The following HNRNPD variants were observed in gnomAD, a reference collection of about 807,000 sequenced individuals.
HNRNPD encodes the protein heterogeneous nuclear ribonucleoprotein D, also known as heterogeneous nuclear ribonucleoprotein D0.
A neutral mutation model predicts 47.9 loss-of-function variants in HNRNPD; 3 were observed. The ratio of observed to expected loss-of-function variants is 0.06; its 90% CI spans 0.03 to 0.16. The LOEUF (loss-of-function observed/expected upper bound fraction) is 0.16, where lower values mean the gene tolerates loss of function less well. Ranked by LOEUF, HNRNPD falls within the 10% of genes least tolerant of loss-of-function variation. The pLI, the probability that HNRNPD is intolerant of heterozygous loss-of-function variation, is 1.00. For missense variants in HNRNPD, 287 were observed against 454.2 expected, an observed-to-expected ratio of 0.63 and a Z score of 3.35; for synonymous variants, 171 against 165.1, an observed-to-expected ratio of 1.04 and a Z score of -0.28.
In HNRNPD at chr4:82,373,640, T is replaced by C. The variant is rs769991211; in HGVS notation, c.39A>G (p.Ala13=). 47 of 1,525,318 alleles carry C rather than the reference T, an allele frequency of 3.1e-5. No homozygotes were observed. Among genetic ancestry groups the C allele is most frequent in the Admixed American group, 7.9e-5 (4 of 50,352 alleles). 94.5% of individuals were successfully genotyped at this position (1,525,318 alleles called of 1,614,324 possible). A position where few individuals can be genotyped will look rare whatever the true frequency, so the allele number is the denominator to read the frequency against. The part of the protein sequence containing the change: ...EEQFGGDGAA[A]AATAAVGGSA... ...AGCCGCCTACCGCCGCCGTTGCCGC[T>C]GCCGCCGCCCCGTCCCCGCCGAACT... Residue 13 remains alanine, a synonymous_variant, in exon 1 of 9, where the codon GCA becomes GCG. Coordinates refer to ENST00000313899, the MANE Select transcript of HNRNPD (RefSeq NM_031370.3).
chr4:82,364,614 C>T (rs1242337973), intron 2 of HNRNPD, among the ~76,000 whole-genome samples: 1 of 152,116 alleles, frequency 6.6e-6, no homozygotes, highest in Admixed American at 6.5e-5. Flanking sequence ...ATTTTCAATG[C>T]TGCCAACTTG....
chr4:82,358,961 G>A, intron 3 of HNRNPD, 141 bp from the exon 4 acceptor site: 1 of 656,966 alleles, frequency 1.5e-6, no homozygotes, highest in South Asian at 2.1e-5. Flanking sequence ...TCAAGTCATG[G>A]TGGTGATGTA....
At chr4:82,371,456 C>CCAAT in intron 2 of HNRNPD, 72 bp downstream of exon 2, 1 of 1,218,118 alleles carries the variant, frequency 8.2e-7, no homozygotes, top group Non-Finnish European at 1.2e-6. Flanking sequence ...GGGCAACTAA[C>CCAAT]CAATACACAG....
At chr4:82,366,030 A>G (rs1190383724) in intron 2 of HNRNPD, among the ~76,000 whole-genome samples, 2 of 152,140 alleles carry the variant, frequency 1.3e-5, no homozygotes, top group African/African-American at 4.8e-5. Context: ...ATCATTAAAG[A>G]ATAGGTATTC....
At chr4:82,361,158 T>C (rs1431649122) in intron 2 of HNRNPD, among the ~76,000 whole-genome samples, 2 of 152,098 alleles carry the variant, frequency 1.3e-5, no homozygotes, top group African/African-American at 2.4e-5. Flanking sequence ...TGGAAGAAAT[T>C]TGAGTTATTT....
chr4:82,361,764 A>C (rs186538569), intron 2 of HNRNPD, among the ~76,000 whole-genome samples: 3 of 152,306 alleles, frequency 2.0e-5, no homozygotes, highest in East Asian at 1.9e-4. Context: ...TTCAGACAAG[A>C]AGCAGATTTT....
chr4:82,373,590 A>G lies in HNRNPD; in HGVS notation c.89T>C (p.Met30Thr). 6.5e-7 allele frequency: 1 copy of G among 1,531,866 alleles called. No individual in the cohort carries two copies. The highest frequency in any genetic ancestry group is 8.7e-7 in the Non-Finnish European group (1 of 1,142,942). The allele number at this position is 1,531,866 out of a possible 1,614,324, so 94.9% of individuals were successfully genotyped here. A position where few individuals can be genotyped will look rare whatever the true frequency, so the allele number is the denominator to read the frequency against. Residue 30 changes from methionine to threonine, a missense_variant, in exon 1 of 9, where the codon ATG becomes ACG. By Grantham distance (81) the Met-to-Thr change is moderately conservative. Around this residue, in one of 5 missense-constraint regions of HNRNPD, gnomAD observed 161 missense variants for 137.1 expected, o/e 1.17. Coordinates refer to ENST00000313899, the MANE Select transcript of HNRNPD (RefSeq NM_031370.3). ...CGCTGCCCCCTGTGTCGCCGCCACCATGGCTCCCTCCTGCTCGCCCGCCGA... is the reference window on the plus strand; with the variant it reads ...CGCTGCCCCCTGTGTCGCCGCCACCGTGGCTCCCTCCTGCTCGCCCGCCGA... ...GGSAGEQEGA[M>T]VAATQGAAAA...
rs768789141 is a variant in HNRNPD, at chr4:82,373,439, TACTC to T, written c.233+3_233+6del. On this transcript the variant is annotated splice_donor_5th_base_variant and intron_variant, in intron 1 of 8. Transcript: ENST00000313899. ...GGCCTGACTATCCTGGGATGCCCCT[TACTC>T]ACCCTTCATCCTCCTCGTTCTTACT... is the stretch of plus-strand genomic sequence containing the variant. 23 of 1,573,482 alleles carry T rather than the reference TACTC, an allele frequency of 1.5e-5. No individual in the cohort carries two copies. Among genetic ancestry groups the T allele is most frequent in the Admixed American group, 5.5e-5 (3 of 54,662 alleles).
chr4:82,356,942 G>A (rs1269606185), intron 5 of HNRNPD, 47 bp from the exon 6 acceptor site: 1 of 1,501,446 alleles, frequency 6.7e-7, no homozygotes, highest in South Asian at 1.1e-5. Context: ...GAAAATAAAA[G>A]TTGCTAAATA....
rs1209501160 is a variant in HNRNPD, at chr4:82,373,541, C to T, written c.138G>A (p.Gly46=). ...CTCCAGACGCGGTTCCGCCCCCGGT[C>T]CCGGCTCCGCTTCCCGCCGCCGCCG... The part of the protein sequence containing the change: ...GAAAAAGSGA[G]TGGGTASGGT... The change falls in exon 1 of 9, where the codon GGG becomes GGA. Residue 46 remains glycine, a synonymous_variant. Coordinates refer to ENST00000313899, the MANE Select transcript of HNRNPD (RefSeq NM_031370.3). 5 of 1,541,298 alleles carry T rather than the reference C, an allele frequency of 3.2e-6. No individual in the cohort carries two copies. Among genetic ancestry groups the T allele is most frequent in the Non-Finnish European group, 4.4e-6 (5 of 1,143,380 alleles).
chr4:82,362,258 C>T (rs1719495495), intron 2 of HNRNPD, among the ~76,000 whole-genome samples: 1 of 152,140 alleles, frequency 6.6e-6, no homozygotes, highest in Non-Finnish European at 1.5e-5. Context: ...TCATTTTTGC[C>T]AGATCACCAG....
intron 8 of HNRNPD, chr4:82,354,996 T>C (rs533687095): frequency 3.0e-6 from 1 of 338,952 alleles, no homozygotes; most frequent in East Asian, 7.7e-5. Context: ...TGCAATGAAG[T>C]TCCCGCTGGC....
intron 1 of HNRNPD, chr4:82,373,028 C>T: frequency 2.4e-6 from 1 of 418,218 alleles, no homozygotes; most frequent in Non-Finnish European, 4.8e-6. Flanking sequence ...CTTAGTAATA[C>T]AAACAGAGAA....
intron 2 of HNRNPD, among the ~76,000 whole-genome samples, chr4:82,368,189 T>C (rs559739691): frequency 2.0e-5 from 3 of 152,220 alleles, no homozygotes; most frequent in African/African-American, 4.8e-5. Context: ...AAGCATGGTA[T>C]GTATTATGAC....
At position 82,372,629 on chromosome 4, in the gene HNRNPD, G is replaced by T. The variant is rs79153084; in HGVS notation, c.233+817C>A. 5.8e-3 allele frequency among the ~76,000 whole-genome samples: 888 copies of T among 152,240 alleles called. 8 individuals are homozygous for T. Among genetic ancestry groups the T allele is most frequent in the African/African-American group, 0.02 (849 of 41,526 alleles). The stretch of plus-strand genomic sequence containing the variant: ...AGCTGAGGGCGCGAAAAGGGTGCGC[G>T]GTTAGAATAACTCAGTGGGGTGGGG... On this transcript the variant is annotated intron_variant, in intron 1 of 8. Transcript: ENST00000313899.
At chr4:82,372,884 T>C (rs1463861326) in intron 1 of HNRNPD, among the ~76,000 whole-genome samples, 1 of 152,160 alleles carries the variant, frequency 6.6e-6, no homozygotes, top group Non-Finnish European at 1.5e-5. Context: ...GCGAAACTTA[T>C]TCAAAATCCC....
Position 82,355,368 on chromosome 4 carries a change from C to T in HNRNPD, c.1034G>A (p.Arg345Gln). The change falls in exon 8 of 9, where the codon CGA (arginine) becomes CAA (glutamine). Residue 345 changes from arginine to glutamine, a missense_variant. Coordinates refer to ENST00000313899, the MANE Select transcript of HNRNPD (RefSeq NM_031370.3). ...QQSGYGKVSR[R>Q]GGHQNSYKPY ...TTTGTAGCTATTTTGATGACCACCT[C>T]GCCTGGATACCTTCCCATAACCACT... 1.9e-6 allele frequency: 3 copies of T among 1,613,840 alleles called. No individual in the cohort carries two copies. The highest frequency in any genetic ancestry group is 2.5e-6 in the Non-Finnish European group (3 of 1,179,772).
chr4:82,369,390 C>G (rs1290508430), intron 2 of HNRNPD, among the ~76,000 whole-genome samples: 1 of 152,156 alleles, frequency 6.6e-6, no homozygotes, highest in Non-Finnish European at 1.5e-5. Context: ...GAAACATCCA[C>G]TAGAGGTGTA....
chr4:82,359,353 T>C, intron 3 of HNRNPD, 118 bp downstream of exon 3: 1 of 580,698 alleles, frequency 1.7e-6, no homozygotes, highest in Non-Finnish European at 2.7e-6. Flanking sequence ...GGGCAAGAAC[T>C]ATTCTTCCTT....
Sources: gnomAD v4.1 joint callset for allele counts (sites outside exome capture counted in the v4.1 genomes callset) on GRCh38, gnomAD v4.1.1 for gene constraint, gnomAD v4.1.1 regional missense constraint, MANE v1.5 for transcripts, NCBI Gene and HGNC (gene_info 2026-07-23, HGNC 2026-07-21) for gene names.